Variants in ESCO1 observed in about 807,000 individuals in gnomAD.
ESCO1 encodes establishment of sister chromatid cohesion N-acetyltransferase 1, also known as N-acetyltransferase ESCO1.
Under a neutral mutation model 83.5 loss-of-function variants are expected in ESCO1, and 33 were observed. The observed-to-expected ratio is 0.40, with a 90% CI of 0.30 to 0.53. The LOEUF (loss-of-function observed/expected upper bound fraction) is 0.53. Among genes scored for constraint, ESCO1 ranks in the 20% least tolerant of loss-of-function variants. The pLI is 0.63. For synonymous variants in ESCO1, 332 were observed against 324.3 expected (o/e 1.02, Z -0.25); for missense variants, 855 against 968.0 (o/e 0.88, Z 1.55).
chr18:21,561,117 T>C, intron 7 of ESCO1, 127 bp from the exon 8 acceptor site: 1 of 881,796 alleles, frequency 1.1e-6, no homozygotes, highest in East Asian at 3.2e-5. Flanking sequence ...CATTCAATGT[T>C]AATTACTAAA....
At chr18:21,579,458 T>C (rs993826297) in intron 2 of ESCO1, among the ~76,000 whole-genome samples, 9 of 150,662 alleles carry the variant, frequency 6.0e-5, no homozygotes, top group Admixed American at 2.0e-4. Context: ...CAAGACCCCA[T>C]CTCTTTAAAA....
intron 1 of ESCO1, among the ~76,000 whole-genome samples, chr18:21,600,149 G>C (rs776845045): frequency 6.6e-6 from 1 of 152,250 alleles, no homozygotes; most frequent in Non-Finnish European, 1.5e-5. Flanking sequence ...TGCGCCAGGA[G>C]GCGGCGAGGG....
chr18:21,553,310 T>C (rs1222819227), intron 8 of ESCO1, among the ~76,000 whole-genome samples: 3 of 152,056 alleles, frequency 2.0e-5, no homozygotes, highest in South Asian at 2.1e-4. Context: ...AAGTGTATAA[T>C]TAAAAGTATT....
intron 1 of ESCO1, among the ~76,000 whole-genome samples, chr18:21,596,421 A>G (rs1214980154): frequency 6.6e-6 from 1 of 152,182 alleles, no homozygotes; most frequent in Non-Finnish European, 1.5e-5. Flanking sequence ...GTATGCTGCC[A>G]TAAATGTTTA....
intron 4 of ESCO1, among the ~76,000 whole-genome samples, chr18:21,571,353 A>G (rs1437086250): frequency 6.6e-6 from 1 of 151,970 alleles, no homozygotes; most frequent in Non-Finnish European, 1.5e-5. Context: ...ACACCCAGCT[A>G]ATTTCTTGTA....
At chr18:21,559,816 G>GA (rs980149624) in intron 8 of ESCO1, among the ~76,000 whole-genome samples, 5 of 152,182 alleles carry the variant, frequency 3.3e-5, no homozygotes, top group African/African-American at 1.2e-4. Flanking sequence ...AGTGGTAGGA[G>GA]AGAGTGTGTG....
At position 21,574,967 on chromosome 18, in the gene ESCO1, T is replaced by C. The variant is rs1350733548; in HGVS notation, c.-124A>G. On this transcript the variant is annotated 5_prime_UTR_variant, in exon 4 of 12. Transcript: ENST00000269214. ...GGTCTGAAAAATCAACTTTAACTGA[T>C]GCTGATATACATTTTCAACAAAAAT... 3 of 683,290 alleles carry C rather than the reference T, an allele frequency of 4.4e-6. No individual in the cohort carries two copies. In the East Asian group the frequency reaches 8.5e-5, roughly 19 times the overall value. The allele number at this position is 683,290 out of a possible 1,614,324, so 42.3% of individuals were successfully genotyped here. A position where few individuals can be genotyped will look rare whatever the true frequency, so the allele number is the denominator to read the frequency against.
In ESCO1 at chr18:21,574,589, TTTA is replaced by T; in HGVS notation, c.252_254del (p.Asn84del). ...AATATCCCCTCACAGTCACCGTATT[TTTA>T]TTAATGGATTTAGTAGCTTTATCAT... On this transcript the variant is annotated inframe_deletion, in exon 4 of 12. Transcript: ENST00000269214. The T allele has an allele frequency of 1.2e-6, 2 of 1,614,104 alleles. No individual in the cohort carries two copies. Among genetic ancestry groups the T allele is most frequent in the Non-Finnish European group, 1.7e-6 (2 of 1,180,004 alleles).
chr18:21,536,418 T>C (rs2037837675), intron 9 of ESCO1, among the ~76,000 whole-genome samples: 1 of 151,792 alleles, frequency 6.6e-6, no homozygotes, highest in Non-Finnish European at 1.5e-5. Context: ...GGTGAAACCC[T>C]GTCTCTACTA....
intron 8 of ESCO1, among the ~76,000 whole-genome samples, chr18:21,545,572 CAA>C (rs766178068): frequency 1.7e-4 from 16 of 93,450 alleles, no homozygotes; most frequent in East Asian, 2.9e-4. Flanking sequence ...GACACCGTCT[CAA>C]AAAAAAAAAA....
intron 9 of ESCO1, among the ~76,000 whole-genome samples, chr18:21,538,488 T>C (rs1469750323): frequency 6.6e-6 from 1 of 152,174 alleles, no homozygotes; most frequent in Non-Finnish European, 1.5e-5. Context: ...CTGTAAATAC[T>C]GTTGTCTATT....
At chr18:21,592,701 C>T (rs2038696151) in intron 1 of ESCO1, among the ~76,000 whole-genome samples, 1 of 151,792 alleles carries the variant, frequency 6.6e-6, no homozygotes, top group Non-Finnish European at 1.5e-5. Flanking sequence ...GGAGACGCTC[C>T]TCACTTCCCA....
chr18:21,595,676 A>C (rs1050474324), intron 1 of ESCO1, among the ~76,000 whole-genome samples: 38 of 147,508 alleles, frequency 2.6e-4, no homozygotes, highest in African/African-American at 8.8e-4. Flanking sequence ...TCCAAAAAAA[A>C]AAATAGGCGG....
At chr18:21,593,010 GCTC>G (rs1478537683) in intron 1 of ESCO1, 1 of 161,202 alleles carries the variant, frequency 6.2e-6, no homozygotes, top group African/African-American at 2.4e-5. Flanking sequence ...GGGCAGAGAC[GCTC>G]CTCACTTCCT....
chr18:21,557,381 C>A (rs1163808740), intron 8 of ESCO1, among the ~76,000 whole-genome samples: 2 of 152,194 alleles, frequency 1.3e-5, no homozygotes, highest in Admixed American at 6.5e-5. Context: ...TGTTACCAAT[C>A]ATAGATGACT....
At position 21,573,419 on chromosome 18, in the gene ESCO1, G is replaced by A. The variant is rs772255122; in HGVS notation, c.1425C>T (p.Thr475=). 5.6e-6 allele frequency: 9 copies of A among 1,611,730 alleles called. No homozygotes were observed. Among genetic ancestry groups the A allele is most frequent in the Non-Finnish European group, 5.9e-6 (7 of 1,179,460 alleles). The change falls in exon 4 of 12, where the codon ACC becomes ACT. Residue 475 remains threonine, a synonymous_variant. Transcript: ENST00000269214. ...INDITVEINK[T]TERAPENCHL... is the part of the protein sequence containing the mutation. ...GACAATTTTCAGGAGCCCTTTCTGT[G>A]GTTTTATTAATTTCTACTGTAATAT...
intron 8 of ESCO1, among the ~76,000 whole-genome samples, chr18:21,556,368 G>A (rs1435927486): frequency 2.0e-5 from 3 of 151,942 alleles, no homozygotes; most frequent in Non-Finnish European, 4.4e-5. Context: ...ATCTTGAAAA[G>A]GAATAAAGTA....
chr18:21,582,042 T>C (rs1179263802), intron 2 of ESCO1, among the ~76,000 whole-genome samples: 5 of 152,046 alleles, frequency 3.3e-5, no homozygotes, highest in Admixed American at 2.6e-4. Context: ...GAGCCGTGAT[T>C]ATGCCACTAC....
In ESCO1 at chr18:21,574,943, G is replaced by C. The variant is rs1900906635; in HGVS notation, c.-100C>G. On this transcript the variant is annotated 5_prime_UTR_variant, in exon 4 of 12. Transcript: ENST00000269214. The stretch of plus-strand genomic sequence containing the variant: ...AGCTAGTATTATTACTGAGGAGCAG[G>C]TCTGAAAAATCAACTTTAACTGATG... 12 of 921,384 alleles carry C rather than the reference G, an allele frequency of 1.3e-5. No homozygotes were observed. The highest frequency in any genetic ancestry group is 1.9e-5 in the Non-Finnish European group (12 of 639,604). The allele number at this position is 921,384 out of a possible 1,614,324, so 57.1% of individuals were successfully genotyped here.
Sources: allele counts gnomAD v4.1 joint callset (sites outside exome capture counted in the v4.1 genomes callset), GRCh38; gene constraint gnomAD v4.1.1; transcripts MANE v1.5; gene names NCBI Gene and HGNC (gene_info 2026-07-23, HGNC 2026-07-21).